Variants in OPTN observed in about 807,000 individuals in gnomAD.
OPTN encodes the protein E3-14.7K-interacting protein.
In OPTN, 54 loss-of-function variants were observed where a neutral mutation model predicts 70.4. That is an observed-to-expected ratio of 0.77 (90% confidence interval 0.62 to 0.96). The LOEUF (loss-of-function observed/expected upper bound fraction) is 0.96. Among genes scored for constraint, OPTN ranks in the 40% least tolerant of loss-of-function variants. The pLI, the probability that OPTN is intolerant of heterozygous loss-of-function variation, is 0.00. For synonymous variants in OPTN, 256 were observed against 248.5 expected (o/e 1.03, Z -0.28); for missense variants, 624 against 673.2 (o/e 0.93, Z 0.81).
intron 3 of OPTN, 61 bp from the exon 4 acceptor site, chr10:13,110,213 G>A: frequency 1.3e-6 from 2 of 1,595,356 alleles, no homozygotes; most frequent in South Asian, 2.3e-5. Context: ...AGGGAGATTT[G>A]GTTCATCAGA....
chr10:13,106,902 T>A (rs1021105671), intron 1 of OPTN, among the ~76,000 whole-genome samples: 7 of 152,174 alleles, frequency 4.6e-5, no homozygotes, highest in Admixed American at 1.3e-4. Flanking sequence ...ACAGGCTCCA[T>A]AGTCATGAGT....
chr10:13,123,865 G>A (rs917766739), intron 8 of OPTN, 130 bp from the exon 9 acceptor site: 9 of 706,214 alleles, frequency 1.3e-5, no homozygotes, highest in South Asian at 9.2e-5. Flanking sequence ...TTGGGGTATT[G>A]TCAAAGTTGG....
intron 5 of OPTN, among the ~76,000 whole-genome samples, chr10:13,115,023 CTATATT>C (rs1197808183): frequency 3.4e-5 from 3 of 87,134 alleles, no homozygotes; most frequent in African/African-American, 1.4e-4. Context: ...ATAGATATAT[CTATATT>C]TATATATTTT....
chr10:13,107,815 G>A (rs1832901105), intron 1 of OPTN, among the ~76,000 whole-genome samples: 1 of 152,152 alleles, frequency 6.6e-6, no homozygotes, highest in Non-Finnish European at 1.5e-5. Flanking sequence ...CAGCGGGGAG[G>A]AGTTGCCTTT....
intron 1 of OPTN, among the ~76,000 whole-genome samples, chr10:13,102,001 C>T (rs1396004159): frequency 2.0e-5 from 3 of 152,150 alleles, no homozygotes; most frequent in East Asian, 1.9e-4. Flanking sequence ...AGAAAATAGA[C>T]GGGCAGACGA....
chr10:13,114,304 T>C (rs11258198), intron 5 of OPTN, among the ~76,000 whole-genome samples: 3,538 of 152,086 alleles, frequency 0.023, 133 homozygotes, highest in African/African-American at 0.08. Flanking sequence ...GTGGCCAAAA[T>C]CAAGATAATT....
At chr10:13,104,420 A>C (rs914678467) in intron 1 of OPTN, among the ~76,000 whole-genome samples, 18 of 78,878 alleles carry the variant, frequency 2.3e-4, no homozygotes, top group African/African-American at 7.3e-4. Flanking sequence ...CACTACACCC[A>C]GCTACTTTTT....
intron 1 of OPTN, among the ~76,000 whole-genome samples, chr10:13,102,071 G>C (rs1176569997): frequency 6.6e-6 from 1 of 152,176 alleles, no homozygotes; most frequent in Non-Finnish European, 1.5e-5. Flanking sequence ...TGGGTGCTCG[G>C]AGTAGGGAAC....
At chr10:13,133,258 C>A (rs753863453) in intron 13 of OPTN, among the ~76,000 whole-genome samples, 8 of 152,150 alleles carry the variant, frequency 5.3e-5, no homozygotes, top group Non-Finnish European at 4.4e-5. Context: ...TATGCCACTT[C>A]TTTCTAATCT....
rs1731763382 is a variant in OPTN, at chr10:13,110,265, C to G, written c.167-9C>G. 1 of 1,613,346 alleles carries G rather than the reference C, an allele frequency of 6.2e-7. No individual in the cohort carries two copies. The highest frequency in any genetic ancestry group is 8.5e-7 in the Non-Finnish European group (1 of 1,179,866). On this transcript the variant is annotated splice_polypyrimidine_tract_variant and intron_variant, in intron 3 of 14. Coordinates refer to ENST00000378747, the MANE Select transcript of OPTN (RefSeq NM_001008212.2). ...GGTGTGTGACTCCATCACTCTGAAC[C>G]TCCTGCAGAAGCCATGAAGCTAAAT...
intron 9 of OPTN, among the ~76,000 whole-genome samples, chr10:13,124,827 C>A (rs1833424222): frequency 6.6e-6 from 1 of 152,174 alleles, no homozygotes. Flanking sequence ...TATTTCAATT[C>A]TCTGAGCCTG....
rs1833709615 is a variant in OPTN, at chr10:13,136,763, G to C, written c.1631G>C (p.Trp544Ser). The C allele has an allele frequency of 6.2e-7, 1 of 1,614,090 alleles. No homozygotes were observed. The highest frequency in any genetic ancestry group is 8.5e-7 in the Non-Finnish European group (1 of 1,179,968). Residue 544 changes from tryptophan to serine, a missense_variant, in exon 15 of 15, where the codon TGG (tryptophan) becomes TCG (serine). Transcript: ENST00000378747. The part of the protein sequence containing the change: ...LVQRGAEDRD[W>S]RQQRNIPIHS... ...TTCCCAGGAGCTGAGGACAGGGACT[G>C]GCGGCAACAGCGGAATATTCCGATT...
intron 4 of OPTN, among the ~76,000 whole-genome samples, chr10:13,111,450 C>A (rs541138927): frequency 1.3e-5 from 2 of 152,054 alleles, no homozygotes; most frequent in Non-Finnish European, 2.9e-5. Context: ...GTAATCCCAG[C>A]GCTTTGGGAG....
chr10:13,125,429 TTGAAAGGAAA>T lies in OPTN; in HGVS notation c.1011_1020del (p.Glu338IlefsTer8). On this transcript the variant is annotated frameshift_variant, in exon 10 of 15. Transcript: ENST00000378747. LOFTEE classifies it high-confidence loss of function. ...TTGACCTTTCTTAGGTGTCAGGCCC[TTGAAAGGAAA>T]AATTCTGCAATTCCATCAGAGTTGA... The T allele has an allele frequency of 1.2e-6, 2 of 1,614,142 alleles. No individual in the cohort carries two copies. Among genetic ancestry groups the T allele is most frequent in the South Asian group, 2.2e-5 (2 of 91,080 alleles).
At position 13,118,875 on chromosome 10, in the gene OPTN, TTA is replaced by T; in HGVS notation, c.627-10_627-9del. Reference sequence around the variant, plus strand: ...TTTTCTGATGAAAACCTTTTAACCTTTATACTGAACAGGGCATTGTCTAAATA... The same window carrying T: ...TTTTCTGATGAAAACCTTTTAACCTTTACTGAACAGGGCATTGTCTAAATA... On this transcript the variant is annotated splice_polypyrimidine_tract_variant and intron_variant, in intron 6 of 14. Coordinates refer to ENST00000378747, the MANE Select transcript of OPTN (RefSeq NM_001008212.2). 6.2e-7 allele frequency: 1 copy of T among 1,613,514 alleles called. No individual in the cohort carries two copies. The highest frequency in any genetic ancestry group is 8.5e-7 in the Non-Finnish European group (1 of 1,179,460).
chr10:13,132,967 T>C (rs1308286298), intron 13 of OPTN, among the ~76,000 whole-genome samples: 1 of 152,186 alleles, frequency 6.6e-6, no homozygotes, highest in Admixed American at 6.5e-5. Flanking sequence ...AAGTCTCCTT[T>C]GTTCCCCATC....
At chr10:13,130,314 A>G (rs1235460268) in intron 12 of OPTN, among the ~76,000 whole-genome samples, 1 of 150,084 alleles carries the variant, frequency 6.7e-6, no homozygotes, top group African/African-American at 2.5e-5. Flanking sequence ...AGTCCCAGCT[A>G]CTCGGGAGGC....
intron 6 of OPTN, among the ~76,000 whole-genome samples, chr10:13,117,850 C>G (rs1480748061): frequency 6.6e-6 from 1 of 152,160 alleles, no homozygotes; most frequent in Non-Finnish European, 1.5e-5. Context: ...TTTCTAAGCC[C>G]TTGTATAAGG....
Position 13,136,876 on chromosome 10 carries a change from T to C in OPTN, c.*10T>C, listed in dbSNP as rs766387230. On this transcript the variant is annotated 3_prime_UTR_variant, in exon 15 of 15. Transcript: ENST00000378747. ...GGATTGCATCATTTAAGTGTTGATG[T>C]ATCACCTCCCCAAAACTGTTGGTAA... 1 of 1,614,214 alleles carries C rather than the reference T, an allele frequency of 6.2e-7. No homozygotes were observed. Among genetic ancestry groups the C allele is most frequent in the Admixed American group, 1.7e-5 (1 of 60,028 alleles).
Sources: gnomAD v4.1 joint callset for allele counts (sites outside exome capture counted in the v4.1 genomes callset) on GRCh38, gnomAD v4.1.1 for gene constraint, MANE v1.5 for transcripts, NCBI Gene and HGNC (gene_info 2026-07-23, HGNC 2026-07-21) for gene names.